DPP6: variants seen among roughly 807,000 people sequenced by gnomAD.
The protein encoded by DPP6 is dipeptidyl peptidase like 6.
Under a neutral mutation model 122.6 loss-of-function variants are expected in DPP6, and 69 were observed. That is an observed-to-expected ratio of 0.56 (90% CI 0.46 to 0.69). DPP6 has a LOEUF of 0.69. Among genes scored for constraint, DPP6 ranks in the 30% least tolerant of loss-of-function variants. The pLI is 0.00. For missense variants in DPP6, 928 were observed against 1,116.9 expected (o/e 0.83, Z 2.41); for synonymous variants, 418 against 433.1 (o/e 0.97, Z 0.43).
chr7:154,501,091 G>C (rs1440427893), intron 3 of DPP6, among the ~76,000 whole-genome samples: 2 of 152,146 alleles, frequency 1.3e-5, no homozygotes, highest in African/African-American at 4.8e-5. Context: ...GAGATTTGTG[G>C]AACTTTGAAC....
At chr7:154,767,172 A>G (rs540041807) in intron 8 of DPP6, among the ~76,000 whole-genome samples, 1 of 152,232 alleles carries the variant, frequency 6.6e-6, no homozygotes, top group South Asian at 2.1e-4. Context: ...TCGGCTGTGA[A>G]TTAATGTCCC....
chr7:153,973,467 G>C (rs1272290675), intron 1 of DPP6, among the ~76,000 whole-genome samples: 1 of 152,120 alleles, frequency 6.6e-6, no homozygotes, highest in Non-Finnish European at 1.5e-5. Context: ...GGCAAGATTG[G>C]GGAGGAATTC....
chr7:154,240,667 A>T (rs1407585036), intron 1 of DPP6, among the ~76,000 whole-genome samples: 3 of 152,158 alleles, frequency 2.0e-5, no homozygotes, highest in African/African-American at 7.2e-5. Context: ...CAGTTTGGTG[A>T]TATAGTCCAA....
chr7:154,515,563 T>C (rs140693403), intron 3 of DPP6, among the ~76,000 whole-genome samples: 22 of 151,950 alleles, frequency 1.4e-4, no homozygotes, highest in African/African-American at 4.8e-4. Flanking sequence ...GCAACCTCTG[T>C]CTCCTGGGTT....
intron 1 of DPP6, among the ~76,000 whole-genome samples, chr7:154,279,123 G>A (rs1459890485): frequency 6.6e-6 from 1 of 151,324 alleles, no homozygotes; most frequent in Non-Finnish European, 1.5e-5. Context: ...ATGTGTCTGG[G>A]CATGTGTGTG....
At chr7:154,368,480 C>T (rs1291076795) in intron 1 of DPP6, among the ~76,000 whole-genome samples, 3 of 152,198 alleles carry the variant, frequency 2.0e-5, no homozygotes, top group African/African-American at 7.2e-5. Flanking sequence ...TCTCTGGCAG[C>T]GCTTGCGGCT....
At chr7:154,644,056 G>A (rs1307726102) in intron 6 of DPP6, among the ~76,000 whole-genome samples, 1 of 152,138 alleles carries the variant, frequency 6.6e-6, no homozygotes, top group East Asian at 1.9e-4. Flanking sequence ...GTAGGCTTTA[G>A]GAGGTACCTA....
intron 1 of DPP6, among the ~76,000 whole-genome samples, chr7:153,938,015 G>A (rs536982526): frequency 6.6e-6 from 1 of 152,174 alleles, no homozygotes; most frequent in African/African-American, 2.4e-5. Flanking sequence ...TTCTCTCTTA[G>A]TAAGGAGAAC....
intron 2 of DPP6, among the ~76,000 whole-genome samples, chr7:154,452,613 A>G (rs1820482496): frequency 6.6e-6 from 1 of 152,180 alleles, no homozygotes; most frequent in Non-Finnish European, 1.5e-5. Context: ...TCTGCTTTCT[A>G]CTTAATTAGA....
chr7:154,667,793 G>A (rs370021665), intron 6 of DPP6, among the ~76,000 whole-genome samples: 9 of 151,950 alleles, frequency 5.9e-5, no homozygotes, highest in African/African-American at 1.2e-4. Flanking sequence ...ATTAGGACTC[G>A]CTTGCATCTT....
At chr7:154,810,030 A>T (rs1320309550) in intron 16 of DPP6, among the ~76,000 whole-genome samples, 1 of 152,176 alleles carries the variant, frequency 6.6e-6, no homozygotes, top group Non-Finnish European at 1.5e-5. Context: ...TAATTTTTGT[A>T]TTTTTAGTAA....
chr7:154,125,139 A>G (rs1300373005), intron 1 of DPP6, among the ~76,000 whole-genome samples: 1 of 152,210 alleles, frequency 6.6e-6, no homozygotes, highest in Non-Finnish European at 1.5e-5. Flanking sequence ...TGTCACTAGG[A>G]GCAGTGCCTG....
intron 16 of DPP6, among the ~76,000 whole-genome samples, chr7:154,827,161 T>C (rs954166129): frequency 1.3e-5 from 2 of 150,548 alleles, no homozygotes; most frequent in South Asian, 4.2e-4. Context: ...TACGGGCATA[T>C]GAGATACATA....
At chr7:153,772,416 A>T in the DPP6 span, among the ~76,000 whole-genome samples, 4 of 152,204 alleles carry the variant, frequency 2.6e-5, no homozygotes, top group African/African-American at 9.6e-5. Context: ...TTAGATGTTG[A>T]TTAATTAATA....
intron 3 of DPP6, among the ~76,000 whole-genome samples, chr7:154,488,066 T>TTGAA (rs145886405): frequency 0.089 from 13,503 of 152,092 alleles, 1,797 homozygotes; most frequent in African/African-American, 0.29. Context: ...TATTAACTGA[T>TTGAA]TGAATGATTC....
intron 7 of DPP6, among the ~76,000 whole-genome samples, chr7:154,709,666 A>G (rs1374567122): frequency 6.8e-6 from 1 of 148,104 alleles, no homozygotes; most frequent in African/African-American, 2.5e-5. Flanking sequence ...GCTGTTTTCC[A>G]GCTTGTAACT....
At position 154,760,836 on chromosome 7, in the gene DPP6, C is replaced by CTTT. The variant is rs1177041343; in HGVS notation, c.884-8579_884-8577dup. On this transcript the variant is annotated intron_variant, in intron 8 of 25. Transcript: ENST00000377770. This position sits in a 1 kb window ranked among gnomAD's most constrained non-coding sequence, Gnocchi z 4.5. ...CTGGCTCAGCCTTCCTCTTTCAAAA[C>CTTT]TTTTGTTTTTTTTTTTTTGAGACAG... 1.1e-5 allele frequency among the ~76,000 whole-genome samples: 1 copy of CTTT among 94,574 alleles called. No homozygotes were observed. The allele number at this position is 94,574 out of a possible 152,430, so 62.0% of individuals were successfully genotyped here.
chr7:153,993,006 T>G (rs1585145275), intron 1 of DPP6, among the ~76,000 whole-genome samples: 2 of 152,134 alleles, frequency 1.3e-5, no homozygotes, highest in East Asian at 3.9e-4. Flanking sequence ...CCCGGTATAC[T>G]TGGTAATTCT....
At chr7:154,505,874 GC>G (rs999461863) in intron 3 of DPP6, among the ~76,000 whole-genome samples, 2 of 152,136 alleles carry the variant, frequency 1.3e-5, no homozygotes, top group Non-Finnish European at 2.9e-5. Flanking sequence ...ACTATGCATA[GC>G]CCTCACTTGG....
Sources: gnomAD v4.1 joint callset for allele counts (sites outside exome capture counted in the v4.1 genomes callset) on GRCh38, gnomAD v4.1.1 for gene constraint, Gnocchi (gnomAD v3.1) non-coding constraint, MANE v1.5 for transcripts, NCBI Gene and HGNC (gene_info 2026-07-23, HGNC 2026-07-21) for gene names.